FLNA: variants seen among roughly 807,000 people sequenced by gnomAD.
The protein encoded by FLNA is filamin A, also known as filamin-A.
A neutral mutation model predicts 157.6 loss-of-function variants in FLNA; 7 were observed. The observed-to-expected ratio is 0.04, with a 90% CI of 0.03 to 0.08. The LOEUF (loss-of-function observed/expected upper bound fraction) is 0.08, where lower values mean the gene tolerates loss of function less well. FLNA is among the 10% of genes least tolerant of loss of function. FLNA has a pLI of 1.00. For missense variants in FLNA, 1,750 were observed against 2,398.4 expected (o/e 0.73, Z 5.65); for synonymous variants, 1,103 against 1,060.8 (o/e 1.04, Z -0.77).
In FLNA at chrX:154,354,643, G is replaced by C; in HGVS notation, c.5286C>G (p.Thr1762=). 8.3e-7 allele frequency: 1 copy of C among 1,205,960 alleles called. No homozygotes were observed. The highest frequency in any genetic ancestry group is 1.1e-6 in the Non-Finnish European group (1 of 892,693). ...LRSQQLAPQY[T]YAQGGQQTWA... ...AAGTCTGCTGGCCGCCCTGGGCGTA[G>C]GTGTACTGTGGGGCCAGCTGCTGAG... The change falls in exon 32 of 48, where the codon ACC becomes ACG. Residue 1762 remains threonine, a synonymous_variant. Coordinates refer to ENST00000369850, the MANE Select transcript of FLNA (RefSeq NM_001110556.2).
intron 21 of FLNA, 75 bp downstream of exon 21, chrX:154,361,230 TGGA>T: frequency 1.0e-6 from 1 of 987,888 alleles, no homozygotes; most frequent in Non-Finnish European, 1.4e-6. Context: ...AGGGCAGGTC[TGGA>T]GAAGATGGGG....
At chrX:154,350,760 G>A (rs782094364) in intron 44 of FLNA, 149 bp downstream of exon 44, 1 of 627,340 alleles carries the variant, frequency 1.6e-6, no homozygotes, top group African/African-American at 2.2e-5. Context: ...AGCGGCTTGG[G>A]TCACCAATTG....
chrX:154,350,002 C>G (rs782796164), intron 45 of FLNA, 29 bp downstream of exon 45: 10 of 1,204,927 alleles, frequency 8.3e-6, no homozygotes, highest in African/African-American at 1.7e-5. Flanking sequence ...CAGCTGTGTG[C>G]ACACGTGCAG....
Position 154,366,572 on chromosome X carries a change from C to T in FLNA, c.1055G>A (p.Gly352Glu), listed in dbSNP as rs782602290. 8.3e-7 allele frequency: 1 copy of T among 1,211,534 alleles called. No homozygotes were observed. The highest frequency in any genetic ancestry group is 1.1e-6 in the Non-Finnish European group (1 of 894,991). Residue 352 changes from glycine (G) to glutamate (E), a missense_variant, in exon 7 of 48, where the codon GGG becomes GAG. Coordinates refer to ENST00000369850, the MANE Select transcript of FLNA (RefSeq NM_001110556.2). ...FSVWYVPEVT[G>E]THKVTVLFAG... ...TGGCCAAGGGCTCACCTTATGAGTC[C>T]CCGTCACCTCGGGGACGTACCAGAC... is the stretch of plus-strand genomic sequence containing the variant.
intron 35 of FLNA, 40 bp downstream of exon 35, chrX:154,353,875 C>G: frequency 8.3e-7 from 1 of 1,209,688 alleles, no homozygotes; most frequent in Non-Finnish European, 1.1e-6. Context: ...GTGAGGGCAT[C>G]CCGGGCACAG....
intron 9 of FLNA, 55 bp downstream of exon 9, chrX:154,365,969 T>C: frequency 1.8e-6 from 2 of 1,111,718 alleles, no homozygotes; most frequent in South Asian, 2.0e-5. Context: ...GTCCCCCTCC[T>C]GTGGGAGGCC....
At position 154,353,648 on chromosome X, in the gene FLNA, C is replaced by T. The variant is rs1557176258; in HGVS notation, c.5766G>A (p.Val1922=). The change falls in exon 36 of 48, where the codon GTG becomes GTA. Residue 1922 remains valine (V), a synonymous_variant. Transcript: ENST00000369850. ...CTDNQDGTCS[V]SYLPVLPGDY... ...CCCCCGGCAGCACAGGCAGGTAGGA[C>T]ACGCTGCATGTCCCATCCTGGTTGT... 2 of 1,211,617 alleles carry T rather than the reference C, an allele frequency of 1.7e-6. No homozygotes were observed. Among genetic ancestry groups the T allele is most frequent in the Non-Finnish European group, 2.2e-6 (2 of 895,271 alleles).
Position 154,366,550 on chromosome X carries a change from C to G in FLNA, c.1065+12G>C, listed in dbSNP as rs782030244. ...CTGAGGTCACAAGCCTCCCCCCTGG[C>G]CAAGGGCTCACCTTATGAGTCCCCG... On this transcript the variant is annotated intron_variant, in intron 7 of 47. Transcript: ENST00000369850. 36 of 1,210,656 alleles carry G rather than the reference C, an allele frequency of 3.0e-5. No homozygotes were observed. The highest frequency in any genetic ancestry group is 4.0e-5 in the Non-Finnish European group (36 of 894,107).
rs782163320 is a variant in FLNA at position 154,365,128 on chromosome X, G to A, written c.1691+8C>T. On this transcript the variant is annotated splice_region_variant and intron_variant, in intron 11 of 47. Coordinates refer to ENST00000369850, the MANE Select transcript of FLNA (RefSeq NM_001110556.2). Reference sequence around the variant, plus strand: ...CAGAGCTGGGAGAGGGATGCCTGGGGGCCTCACCTGCGCCCGATGTTCTGA... The same window carrying A: ...CAGAGCTGGGAGAGGGATGCCTGGGAGCCTCACCTGCGCCCGATGTTCTGA... 1.7e-6 allele frequency: 2 copies of A among 1,211,488 alleles called. No homozygotes were observed. Among genetic ancestry groups the A allele is most frequent in the South Asian group, 3.5e-5 (2 of 57,027 alleles).
Position 154,360,416 on chromosome X carries a change from C to T in FLNA, c.3379G>A (p.Val1127Met), listed in dbSNP as rs398123617. Residue 1127 changes from valine to methionine, a missense_variant, in exon 22 of 48, where the codon GTG becomes ATG. This residue lies in a region of FLNA where 648 missense variants were observed against 805.8 expected (regional missense o/e 0.80). Transcript: ENST00000369850. The stretch of plus-strand genomic sequence containing the variant: ...TTGTAGTCCCCGGGCTCGGTGGGCA[C>T]GTAGGACACGGAACATGTGCCATCC... Reference protein sequence around the residue: ...NGDGTCSVSYVPTEPGDYNIN... With the variant: ...NGDGTCSVSYMPTEPGDYNIN... The T allele has an allele frequency of 8.7e-5, 105 of 1,210,570 alleles. No homozygotes were observed. In the Admixed American group the frequency reaches 1.7e-3, roughly 20 times the overall value.
At chrX:154,350,366 G>GAGGGC in intron 44 of FLNA, 159 bp from the exon 45 acceptor site, 1 of 484,724 alleles carries the variant, frequency 2.1e-6, no homozygotes, top group Non-Finnish European at 3.6e-6. Context: ...CAGACCTCCT[G>GAGGGC]AGGGCCGAAG....
At chrX:154,351,135 C>G in intron 43 of FLNA, 94 bp from the exon 44 acceptor site, 1 of 1,017,281 alleles carries the variant, frequency 9.8e-7, no homozygotes, top group East Asian at 3.1e-5. Flanking sequence ...GCGGGTCGCA[C>G]TTACCCATCT....
At chrX:154,351,555 G>T (rs1557175777) in intron 43 of FLNA, 26 bp downstream of exon 43, 2 of 1,068,879 alleles carry the variant, frequency 1.9e-6, no homozygotes, top group South Asian at 3.7e-5. Context: ...GGAGCCCCAG[G>T]TGGGCGGTTT....
At chrX:154,364,769 C>T (rs782231974) in intron 12 of FLNA, 50 bp from the exon 13 acceptor site, 10 of 1,207,215 alleles carry the variant, frequency 8.3e-6, no homozygotes, top group Middle Eastern at 2.3e-4. Flanking sequence ...CAGGGTGGGC[C>T]GTCCTTGCCA....
Position 154,351,710 on chromosome X carries a change from G to C in FLNA, c.6908-14C>G, listed in dbSNP as rs782486602. On this transcript the variant is annotated splice_polypyrimidine_tract_variant and intron_variant, in intron 42 of 47. Coordinates refer to ENST00000369850, the MANE Select transcript of FLNA (RefSeq NM_001110556.2). Reference sequence around the variant, plus strand: ...CTTCGTAGTCACCTGGGCAGGGAAAGAGTGTAAGACCGGCTCATCAGCCTT... The same window carrying C: ...CTTCGTAGTCACCTGGGCAGGGAAACAGTGTAAGACCGGCTCATCAGCCTT... 2.5e-5 allele frequency: 29 copies of C among 1,153,251 alleles called. No individual in the cohort carries two copies. The Admixed American group carries it at 6.3e-4, about 25-fold the overall frequency.
intron 3 of FLNA, 32 bp from the exon 4 acceptor site, chrX:154,367,770 GC>G (rs1569551866): frequency 2.5e-6 from 3 of 1,210,463 alleles, no homozygotes; most frequent in Non-Finnish European, 3.4e-6. Flanking sequence ...GAGTCTGGGG[GC>G]CGCAGAACCC....
At chrX:154,358,810 C>T in intron 26 of FLNA, 174 bp downstream of exon 26, 1 of 625,783 alleles carries the variant, frequency 1.6e-6, no homozygotes, top group Non-Finnish European at 2.6e-6. Flanking sequence ...TCTGCTCTAC[C>T]TCCTCCAAGT....
chrX:154,352,546 C>G lies in FLNA; in HGVS notation c.6502+7G>C. On this transcript the variant is annotated splice_region_variant and intron_variant, in intron 40 of 47. Coordinates refer to ENST00000369850, the MANE Select transcript of FLNA (RefSeq NM_001110556.2). ...GGACCCCTCCCCAGGCTTCCCACAG[C>G]CCCTACCAGGGATTTTCAGGCTGAG... 1 of 1,211,767 alleles carries G rather than the reference C, an allele frequency of 8.3e-7. No homozygotes were observed. The highest frequency in any genetic ancestry group is 1.1e-6 in the Non-Finnish European group (1 of 895,610).
At chrX:154,363,970 T>C (rs186752234) in intron 15 of FLNA, 52 bp downstream of exon 15, 14 of 1,174,340 alleles carry the variant, frequency 1.2e-5, no homozygotes, top group East Asian at 3.0e-5. Context: ...ACGAATCGTG[T>C]GCTACGTGAA....
Sources: gnomAD v4.1 joint callset for allele counts on GRCh38, gnomAD v4.1.1 for gene constraint, gnomAD v4.1.1 regional missense constraint, MANE v1.5 for transcripts, NCBI Gene and HGNC (gene_info 2026-07-23, HGNC 2026-07-21) for gene names.